Variants in GALNTL6 observed in about 807,000 individuals in gnomAD.
GALNTL6 encodes the protein polypeptide N-acetylgalactosaminyltransferase like 6.
In GALNTL6, 46 loss-of-function variants were observed where a neutral mutation model predicts 73.7. That is an observed-to-expected ratio of 0.62 (90% CI 0.49 to 0.80). The LOEUF (loss-of-function observed/expected upper bound fraction) is 0.80. GALNTL6 is among the 30% of genes least tolerant of loss of function. The pLI is 0.00. For synonymous variants in GALNTL6, 259 were observed against 263.7 expected (o/e 0.98, Z 0.17); for missense variants, 604 against 755.0 (o/e 0.80, Z 2.34).
intron 2 of GALNTL6, among the ~76,000 whole-genome samples, chr4:172,034,278 T>A (rs1741860462): frequency 6.6e-6 from 1 of 152,052 alleles, no homozygotes; most frequent in South Asian, 2.1e-4. Context: ...TCAGACACTT[T>A]GAGGAGCTGG....
chr4:172,606,503 A>G (rs1304596553), intron 5 of GALNTL6, among the ~76,000 whole-genome samples: 1 of 146,054 alleles, frequency 6.8e-6, no homozygotes, highest in East Asian at 2.0e-4. Flanking sequence ...TAATAAGAGT[A>G]CAGAAGGTAA....
intron 3 of GALNTL6, among the ~76,000 whole-genome samples, chr4:172,305,230 T>C (rs1319577454): frequency 6.6e-6 from 1 of 152,102 alleles, no homozygotes; most frequent in Admixed American, 6.5e-5. Context: ...AAATGCCAGG[T>C]AGACAATGAG....
At chr4:172,722,757 T>C (rs961089043) in intron 5 of GALNTL6, among the ~76,000 whole-genome samples, 1 of 152,198 alleles carries the variant, frequency 6.6e-6, no homozygotes, top group African/African-American at 2.4e-5. Flanking sequence ...TTTGAATAAA[T>C]ATATTCTTTT....
Position 172,062,956 on chromosome 4 carries a change from C to T in GALNTL6, c.139-166700C>T, listed in dbSNP as rs78963285. ...AGTTGAATAAAAGTTATTTTTCCCACCATCTGTATGGATTCTGGAAGCGTG... is the reference window on the plus strand; with the variant it reads ...AGTTGAATAAAAGTTATTTTTCCCATCATCTGTATGGATTCTGGAAGCGTG... On this transcript the variant is annotated intron_variant, in intron 2 of 12. Coordinates refer to ENST00000506823, the MANE Select transcript of GALNTL6 (RefSeq NM_001034845.3). Among the ~76,000 whole-genome samples the T allele has an allele frequency of 3.7e-3, 569 of 152,326 alleles. 5 individuals carry two copies. Among genetic ancestry groups the T allele is most frequent in the African/African-American group, 0.013 (535 of 41,568 alleles).
intron 2 of GALNTL6, among the ~76,000 whole-genome samples, chr4:171,970,854 A>G (rs978052900): frequency 6.6e-6 from 1 of 152,244 alleles, no homozygotes; most frequent in African/African-American, 2.4e-5. Context: ...TTTTAAAAAA[A>G]GTTTCGGAGC....
intron 9 of GALNTL6, among the ~76,000 whole-genome samples, chr4:172,946,233 C>A (rs1286272740): frequency 6.6e-6 from 1 of 151,992 alleles, no homozygotes; most frequent in Admixed American, 6.6e-5. Flanking sequence ...GAAGCGGGAT[C>A]TTGCCAGGAC....
At chr4:172,744,910 GT>G (rs1245152559) in intron 5 of GALNTL6, among the ~76,000 whole-genome samples, 1 of 150,910 alleles carries the variant, frequency 6.6e-6, no homozygotes, top group Non-Finnish European at 1.5e-5. Flanking sequence ...TGTATTTTCT[GT>G]TTCATGCAAC....
intron 4 of GALNTL6, among the ~76,000 whole-genome samples, chr4:172,345,501 T>C (rs902425837): frequency 6.6e-6 from 1 of 152,196 alleles, no homozygotes; most frequent in Admixed American, 6.6e-5. Flanking sequence ...ATAATCGTTT[T>C]TTAAAAACTT....
intron 2 of GALNTL6, among the ~76,000 whole-genome samples, chr4:172,153,823 T>C (rs1202325575): frequency 1.3e-5 from 2 of 152,190 alleles, no homozygotes; most frequent in Admixed American, 6.5e-5. Flanking sequence ...TTTCATGACC[T>C]AGGAATTAAA....
intron 5 of GALNTL6, among the ~76,000 whole-genome samples, chr4:172,574,359 A>C (rs1168556970): frequency 6.6e-6 from 1 of 151,958 alleles, no homozygotes; most frequent in African/African-American, 2.4e-5. Context: ...GAGGTTTTGC[A>C]GTAGTATGAT....
intron 5 of GALNTL6, among the ~76,000 whole-genome samples, chr4:172,662,999 GAGA>G (rs1374247032): frequency 1.3e-5 from 2 of 152,292 alleles, no homozygotes; most frequent in African/African-American, 2.4e-5. Flanking sequence ...CTGGGCAGGG[GAGA>G]AGAAGTACAA....
At chr4:172,705,213 A>T (rs1579366104) in intron 5 of GALNTL6, among the ~76,000 whole-genome samples, 6 of 146,392 alleles carry the variant, frequency 4.1e-5, no homozygotes, top group South Asian at 2.1e-4. Flanking sequence ...TACTACTGCT[A>T]TTTTTTTTTT....
At chr4:172,714,729 C>T (rs2111336506) in intron 5 of GALNTL6, among the ~76,000 whole-genome samples, 1 of 152,176 alleles carries the variant, frequency 6.6e-6, no homozygotes, top group African/African-American at 2.4e-5. Context: ...TTGTTTGAAA[C>T]TCAGTATTCA....
chr4:172,025,078 C>A (rs886077812), intron 2 of GALNTL6, among the ~76,000 whole-genome samples: 4 of 152,024 alleles, frequency 2.6e-5, no homozygotes, highest in African/African-American at 9.6e-5. Context: ...TTTTTATTAG[C>A]ACATCAGACA....
intron 2 of GALNTL6, among the ~76,000 whole-genome samples, chr4:172,168,514 T>C (rs890041259): frequency 6.6e-6 from 1 of 152,106 alleles, no homozygotes; most frequent in African/African-American, 2.4e-5. Context: ...GTGGTAACAA[T>C]GGTGATGCTA....
Position 172,500,892 on chromosome 4 carries a change from G to A in GALNTL6, c.553+152203G>A, listed in dbSNP as rs139196819. 3.3e-3 allele frequency among the ~76,000 whole-genome samples: 509 copies of A among 152,274 alleles called. 3 individuals carry two copies. The highest frequency in any genetic ancestry group is 5.5e-3 in the Non-Finnish European group (371 of 68,018). On this transcript the variant is annotated intron_variant, in intron 5 of 12. Transcript: ENST00000506823. ...TATGTAGAGGAAATAGTTAATTATA[G>A]TGTTAACATGGGGAGGTTAAAGAGA...
intron 5 of GALNTL6, among the ~76,000 whole-genome samples, chr4:172,530,321 G>A (rs1735126444): frequency 6.6e-6 from 1 of 151,974 alleles, no homozygotes; most frequent in Non-Finnish European, 1.5e-5. Context: ...TTTCTTTTTA[G>A]CAAAATATTC....
At chr4:172,999,381 C>T (rs1027534628) in intron 10 of GALNTL6, among the ~76,000 whole-genome samples, 2 of 152,172 alleles carry the variant, frequency 1.3e-5, no homozygotes, top group Non-Finnish European at 1.5e-5. Flanking sequence ...TCCTCCTGCT[C>T]AGCCCTTCCA....
chr4:172,906,244 A>C (rs931370245), intron 8 of GALNTL6, among the ~76,000 whole-genome samples: 12 of 152,200 alleles, frequency 7.9e-5, no homozygotes, highest in East Asian at 1.9e-4. Context: ...ATTAAAAAAA[A>C]ACACACACAA....
Sources: allele counts gnomAD v4.1 joint callset (sites outside exome capture counted in the v4.1 genomes callset), GRCh38; gene constraint gnomAD v4.1.1; transcripts MANE v1.5; gene names NCBI Gene and HGNC (gene_info 2026-07-23, HGNC 2026-07-21).